ZDHHC7: variants seen among roughly 807,000 people sequenced by gnomAD.
ZDHHC7 encodes palmitoyltransferase ZDHHC7.
ZDHHC7 carries 12 observed loss-of-function variants against 34.1 expected under a neutral mutation model. That is an observed-to-expected ratio of 0.35 (90% CI 0.23 to 0.57). The LOEUF is 0.57. Among genes scored for constraint, ZDHHC7 ranks in the 20% least tolerant of loss-of-function variants. The probability of loss-of-function intolerance (pLI) is 0.84; values close to 1 mark genes in which losing one functional copy is unlikely to be tolerated. For missense variants in ZDHHC7, 388 were observed against 402.7 expected (o/e 0.96, Z 0.31); for synonymous variants, 185 against 155.4 (o/e 1.19, Z -1.42).
chr16:85,023,165 T>G, the ZDHHC7 span, among the ~76,000 whole-genome samples: 2 of 150,568 alleles, frequency 1.3e-5, no homozygotes, highest in African/African-American at 5.0e-5. Flanking sequence ...TTTTCTTTCT[T>G]TTCTTTTTTT....
intron 1 of ZDHHC7, among the ~76,000 whole-genome samples, chr16:85,008,438 G>T (rs529527768): frequency 7.2e-5 from 11 of 151,966 alleles, no homozygotes; most frequent in African/African-American, 2.4e-4. Flanking sequence ...CGTGCCTTTG[G>T]TGCTTCCCCA....
the ZDHHC7 span, among the ~76,000 whole-genome samples, chr16:85,026,509 C>G: frequency 6.6e-6 from 1 of 151,892 alleles, no homozygotes; most frequent in Non-Finnish European, 1.5e-5. Context: ...GCTCCATAAC[C>G]CTCACGGCAC....
At chr16:85,007,013 G>C (rs1246898366) in intron 1 of ZDHHC7, among the ~76,000 whole-genome samples, 1 of 136,610 alleles carries the variant, frequency 7.3e-6, no homozygotes, top group Non-Finnish European at 1.5e-5. Context: ...CACCGTAGAA[G>C]AACACGGTGT....
chr16:84,978,142 A>G (rs1454130667), intron 5 of ZDHHC7, 137 bp from the exon 6 acceptor site: 3 of 587,332 alleles, frequency 5.1e-6, no homozygotes, highest in Non-Finnish European at 8.9e-6. Context: ...GACTCAAGCG[A>G]TTCTCCTGCC....
chr16:85,026,514 C>T, the ZDHHC7 span, among the ~76,000 whole-genome samples: 5 of 151,922 alleles, frequency 3.3e-5, no homozygotes, highest in Admixed American at 6.6e-5. Context: ...ATAACCCTCA[C>T]GGCACTGCAG....
the ZDHHC7 span, among the ~76,000 whole-genome samples, chr16:85,023,801 G>A: frequency 6.6e-6 from 1 of 151,794 alleles, no homozygotes; most frequent in African/African-American, 2.4e-5. Context: ...TGTATTTTTG[G>A]TAGAGACGGG....
chr16:84,986,822 C>A (rs905379346), intron 3 of ZDHHC7, among the ~76,000 whole-genome samples: 9 of 152,150 alleles, frequency 5.9e-5, no homozygotes, highest in Non-Finnish European at 1.3e-4. Context: ...TGCCCCAACC[C>A]CTCAACTGTT....
chr16:84,987,927 C>T (rs1199069507), intron 3 of ZDHHC7, among the ~76,000 whole-genome samples: 2 of 152,174 alleles, frequency 1.3e-5, no homozygotes, highest in African/African-American at 4.8e-5. Context: ...CCCAGCACTT[C>T]GGGAGGCCGA....
upstream of ZDHHC7, among the ~76,000 whole-genome samples, chr16:85,014,444 G>A (rs969180167): frequency 6.6e-6 from 1 of 152,182 alleles, no homozygotes; most frequent in Non-Finnish European, 1.5e-5. Context: ...AGGTGTGACA[G>A]CCATAGAGTC....
In ZDHHC7 at chr16:84,976,183, C is replaced by T. The variant is rs550945517; in HGVS notation, c.*160G>A. On this transcript the variant is annotated 3_prime_UTR_variant, in exon 8 of 8. Coordinates refer to ENST00000313732, the MANE Select transcript of ZDHHC7 (RefSeq NM_017740.3). ...GGGGACTGAGAGCCTCTTCCTCTGC[C>T]ATCTGTGACTATAAATATATAAAAC... The T allele has an allele frequency of 2.2e-6, 2 of 907,444 alleles. No individual in the cohort carries two copies. Among genetic ancestry groups the T allele is most frequent in the Admixed American group, 2.7e-5 (1 of 37,206 alleles). 56.2% of individuals were successfully genotyped at this position (907,444 alleles called of 1,614,324 possible). A position where few individuals can be genotyped will look rare whatever the true frequency, so the allele number is the denominator to read the frequency against.
chr16:84,986,464 C>T (rs564935313), intron 3 of ZDHHC7, among the ~76,000 whole-genome samples: 11 of 152,346 alleles, frequency 7.2e-5, no homozygotes, highest in Admixed American at 5.2e-4. Flanking sequence ...GGCACTCGCA[C>T]GGCTGCCGAG....
intron 1 of ZDHHC7, among the ~76,000 whole-genome samples, chr16:84,998,735 AATCCCTTCT>A (rs1354587665): frequency 6.8e-6 from 1 of 147,588 alleles, no homozygotes; most frequent in Non-Finnish European, 1.5e-5. Flanking sequence ...TCCAGCTCTC[AATCCCTTCT>A]GAACCTTTTT....
the ZDHHC7 span, among the ~76,000 whole-genome samples, chr16:85,018,647 A>G: frequency 6.6e-6 from 1 of 151,918 alleles, no homozygotes; most frequent in African/African-American, 2.4e-5. Context: ...GGGTATCTCC[A>G]TGTTGGTCAG....
intron 2 of ZDHHC7, among the ~76,000 whole-genome samples, chr16:84,995,309 A>G (rs2072562247): frequency 6.6e-6 from 1 of 152,234 alleles, no homozygotes; most frequent in East Asian, 1.9e-4. Flanking sequence ...CCATATTTAA[A>G]GGGACAACCA....
chr16:84,997,126 AT>A lies in ZDHHC7; in HGVS notation c.-103-1120del, dbSNP rs2072589443. ...ACACGCACAATGCACAGAGAAGAAA[AT>A]GTCAACAAGGCATAGGTAAAATTCA... On this transcript the variant is annotated intron_variant, in intron 1 of 7. Transcript: ENST00000313732. 6.6e-5 allele frequency among the ~76,000 whole-genome samples: 10 copies of A among 152,254 alleles called. No homozygotes were observed. The South Asian group carries it at 1.9e-3, about 28-fold the overall frequency.
chr16:85,024,665 CTATCCAGAAACGACCCTCCTTGTTCTG>C, the ZDHHC7 span, among the ~76,000 whole-genome samples: 4,789 of 152,298 alleles, frequency 0.031, 224 homozygotes, highest in African/African-American at 0.11. Context: ...TTTTCCCTGC[CTATCCAGAAACGACCCTCCTTGTTCTG>C]GCCAGACCAC....
At chr16:85,016,739 C>CA in the ZDHHC7 span, among the ~76,000 whole-genome samples, 1 of 152,076 alleles carries the variant, frequency 6.6e-6, no homozygotes, top group South Asian at 2.1e-4. Context: ...GGATTACAGG[C>CA]ATGAGCCACC....
intron 3 of ZDHHC7, among the ~76,000 whole-genome samples, chr16:84,984,449 G>T (rs1166699126): frequency 2.0e-5 from 3 of 152,136 alleles, no homozygotes; most frequent in Non-Finnish European, 4.4e-5. Flanking sequence ...CAGAGGAAAT[G>T]GGCCAGATTT....
At chr16:84,993,930 A>T (rs1218950924) in intron 2 of ZDHHC7, among the ~76,000 whole-genome samples, 4 of 152,220 alleles carry the variant, frequency 2.6e-5, no homozygotes, top group Non-Finnish European at 5.9e-5. Flanking sequence ...CACTTTGCGA[A>T]GAGGTCTCTA....
Sources: allele counts gnomAD v4.1 joint callset (sites outside exome capture counted in the v4.1 genomes callset), GRCh38; gene constraint gnomAD v4.1.1; transcripts MANE v1.5; gene names NCBI Gene and HGNC (gene_info 2026-07-23, HGNC 2026-07-21).